KCNMA1: variants seen among roughly 807,000 people sequenced by gnomAD.
The protein encoded by KCNMA1 is Calcium-activated potassium channel subunit alpha-1.
KCNMA1 carries 29 observed loss-of-function variants against 140.0 expected under a neutral mutation model. The ratio of observed to expected loss-of-function variants is 0.21; its 90% confidence interval spans 0.15 to 0.28. The LOEUF (loss-of-function observed/expected upper bound fraction) is 0.28. Among genes scored for constraint, KCNMA1 ranks in the 10% least tolerant of loss-of-function variants. The pLI is 1.00. For missense variants in KCNMA1, 880 were observed against 1,602.2 expected, an observed-to-expected ratio of 0.55 and a Z score of 7.70; for synonymous variants, 612 against 611.9, an observed-to-expected ratio of 1.00 and a Z score of 0.00.
intron 1 of KCNMA1, among the ~76,000 whole-genome samples, chr10:77,510,831 T>C (rs2048110017): frequency 6.6e-6 from 1 of 152,178 alleles, no homozygotes; most frequent in Admixed American, 6.5e-5. Context: ...CCTATGTTTC[T>C]GAAACATATT....
intron 1 of KCNMA1, among the ~76,000 whole-genome samples, chr10:77,483,291 G>A (rs957940671): frequency 6.6e-6 from 1 of 152,310 alleles, no homozygotes; most frequent in East Asian, 1.9e-4. Flanking sequence ...ACTTTTACAA[G>A]GGAAGGACAT....
intron 1 of KCNMA1, among the ~76,000 whole-genome samples, chr10:77,480,352 G>T (rs1337954161): frequency 6.6e-6 from 1 of 152,118 alleles, no homozygotes; most frequent in Non-Finnish European, 1.5e-5. Context: ...GTGACCCAGG[G>T]CTCCAGCAGG....
At position 77,324,961 on chromosome 10, in the gene KCNMA1, CTCTCTCTCTCTGTGTGTG is replaced by C. The variant is rs199991613; in HGVS notation, c.541-73723_541-73706del. 2.9e-3 allele frequency among the ~76,000 whole-genome samples: 388 copies of C among 132,448 alleles called. 1 individual carries two copies. Among genetic ancestry groups the C allele is most frequent in the South Asian group, 9.6e-3 (37 of 3,838 alleles). The allele number at this position is 132,448 out of a possible 152,430, so 86.9% of individuals were successfully genotyped here. A position where few individuals can be genotyped will look rare whatever the true frequency, so the allele number is the denominator to read the frequency against. On this transcript the variant is annotated intron_variant, in intron 2 of 27. Transcript: ENST00000286628. Reference sequence around the variant, plus strand: ...CTAGACTCTCTCTCTCTCTCTCTCTCTCTCTCTCTCTGTGTGTGTGTGTGTGTGTGTGTGTGTGTGTGT... The same window carrying C: ...CTAGACTCTCTCTCTCTCTCTCTCTCTGTGTGTGTGTGTGTGTGTGTGTGT...
At chr10:76,986,020 G>A (rs374210052) in intron 19 of KCNMA1, among the ~76,000 whole-genome samples, 9 of 152,266 alleles carry the variant, frequency 5.9e-5, no homozygotes, top group East Asian at 1.9e-4. Flanking sequence ...AAAGGGCCCC[G>A]GTAAATGAAA....
chr10:76,908,036 T>A (rs1014985500), intron 25 of KCNMA1, among the ~76,000 whole-genome samples: 1 of 152,150 alleles, frequency 6.6e-6, no homozygotes, highest in Non-Finnish European at 1.5e-5. Flanking sequence ...GAAAAAAAAA[T>A]TCTACTGTAA....
At chr10:77,573,792 T>C (rs755479116) in intron 1 of KCNMA1, among the ~76,000 whole-genome samples, 5 of 151,598 alleles carry the variant, frequency 3.3e-5, no homozygotes, top group Non-Finnish European at 7.4e-5. Flanking sequence ...ACTCACCCTG[T>C]ATACCTGTCC....
intron 2 of KCNMA1, among the ~76,000 whole-genome samples, chr10:77,329,983 T>C (rs2085744533): frequency 6.6e-6 from 1 of 152,226 alleles, no homozygotes; most frequent in Non-Finnish European, 1.5e-5. Context: ...TAAATGTTAA[T>C]ATTATAATTA....
rs569721965 is a variant in KCNMA1 at position 77,100,410 on chromosome 10, C to T, written c.1223+8071G>A. On this transcript the variant is annotated intron_variant, in intron 9 of 27. Transcript: ENST00000286628. Reference sequence around the variant, plus strand: ...TAGATTACTTTTCCAGCAACTGGTACCCATATTTGGAACAGTCCCTGTGGT... The same window carrying T: ...TAGATTACTTTTCCAGCAACTGGTATCCATATTTGGAACAGTCCCTGTGGT... 2.0e-5 allele frequency among the ~76,000 whole-genome samples: 3 copies of T among 152,188 alleles called. No homozygotes were observed. The East Asian group carries it at 5.8e-4, about 29-fold the overall frequency.
chr10:77,321,671 C>T (rs1387101513), intron 2 of KCNMA1, among the ~76,000 whole-genome samples: 1 of 150,822 alleles, frequency 6.6e-6, no homozygotes, highest in African/African-American at 2.4e-5. Context: ...GTTTTTTTTT[C>T]CCCTGTCCAT....
intron 5 of KCNMA1, among the ~76,000 whole-genome samples, chr10:77,139,445 A>G (rs1196145506): frequency 6.6e-6 from 1 of 152,252 alleles, no homozygotes; most frequent in Non-Finnish European, 1.5e-5. Flanking sequence ...AACATTTTAT[A>G]TCAGTTCTAA....
chr10:77,258,905 G>A (rs981121118), intron 2 of KCNMA1, among the ~76,000 whole-genome samples: 2 of 152,160 alleles, frequency 1.3e-5, no homozygotes, highest in African/African-American at 4.8e-5. Context: ...GGAGGTTTCA[G>A]CAAGCCGAGA....
intron 2 of KCNMA1, among the ~76,000 whole-genome samples, chr10:77,349,549 G>GCAGGGAAAC (rs1329023996): frequency 7.9e-5 from 12 of 152,214 alleles, no homozygotes; most frequent in Non-Finnish European, 1.8e-4. Context: ...GGGTGAGTAA[G>GCAGGGAAAC]CAGGGAAACT....
At chr10:77,302,358 T>C (rs1459665849) in intron 2 of KCNMA1, among the ~76,000 whole-genome samples, 1 of 152,166 alleles carries the variant, frequency 6.6e-6, no homozygotes, top group Non-Finnish European at 1.5e-5. Flanking sequence ...ATTAATGGTG[T>C]CCTGTGGCCA....
At chr10:77,022,489 T>C (rs2153499934) in intron 16 of KCNMA1, among the ~76,000 whole-genome samples, 1 of 152,324 alleles carries the variant, frequency 6.6e-6, no homozygotes, top group South Asian at 2.1e-4. Context: ...TTGCTGTCTC[T>C]GTTTCTTTTG....
At position 76,886,509 on chromosome 10, in the gene KCNMA1, A is replaced by T; in HGVS notation, c.*757T>A. On this transcript the variant is annotated 3_prime_UTR_variant, in exon 28 of 28. Coordinates refer to ENST00000286628, the MANE Select transcript of KCNMA1 (RefSeq NM_001161352.2). ...TTAATATGCAATCAAACCTCTTTTC[A>T]CTTAAACTAAATGACTAGAATTTGA... The T allele has an allele frequency of 1.0e-6, 1 of 984,932 alleles. No homozygotes were observed. Among genetic ancestry groups the T allele is most frequent in the Non-Finnish European group, 1.2e-6 (1 of 829,468 alleles). The allele number at this position is 984,932 out of a possible 1,614,324, so 61.0% of individuals were successfully genotyped here.
intron 2 of KCNMA1, among the ~76,000 whole-genome samples, chr10:77,366,169 CCTTT>C (rs1385416446): frequency 8.9e-5 from 13 of 146,856 alleles, no homozygotes; most frequent in East Asian, 2.0e-4. Context: ...TTTCTTCCTT[CCTTT>C]CTTTCTATTT....
intron 2 of KCNMA1, among the ~76,000 whole-genome samples, chr10:77,302,829 T>G (rs2076851023): frequency 6.6e-6 from 1 of 152,088 alleles, no homozygotes; most frequent in African/African-American, 2.4e-5. Context: ...AGGTGGGGGT[T>G]AATCAGAGGA....
chr10:77,385,218 C>T lies in KCNMA1; in HGVS notation c.540+18644G>A, dbSNP rs1445186053. Among the ~76,000 whole-genome samples, 4 of 152,194 alleles carry T rather than the reference C, an allele frequency of 2.6e-5. No homozygotes were observed. In the South Asian group the frequency reaches 6.2e-4, roughly 24 times the overall value. ...ATAAAAATATGACAATGTGCTTTCA[C>T]ATATATTTCTTCTCTCTCTCTCTCT... On this transcript the variant is annotated intron_variant, in intron 2 of 27. Transcript: ENST00000286628.
intron 5 of KCNMA1, among the ~76,000 whole-genome samples, chr10:77,142,674 T>C (rs1172323909): frequency 6.6e-6 from 1 of 152,154 alleles, no homozygotes; most frequent in East Asian, 1.9e-4. Flanking sequence ...AGAAACTCAA[T>C]GTGTTTAAAA....
Sources: gnomAD v4.1 joint callset for allele counts (sites outside exome capture counted in the v4.1 genomes callset) on GRCh38, gnomAD v4.1.1 for gene constraint, MANE v1.5 for transcripts, NCBI Gene and HGNC (gene_info 2026-07-23, HGNC 2026-07-21) for gene names.